Variants in CARMIL1 observed in about 807,000 individuals in gnomAD.
CARMIL1 encodes the protein capping protein regulator and myosin 1 linker 1.
A neutral mutation model predicts 177.1 loss-of-function variants in CARMIL1; 90 were observed. That is an observed-to-expected ratio of 0.51 (90% CI 0.43 to 0.61). The LOEUF is 0.61. Ranked by LOEUF, CARMIL1 falls within the 20% of genes least tolerant of loss-of-function variation. CARMIL1 has a pLI of 0.00. For missense variants in CARMIL1, 1,380 were observed against 1,667.0 expected (o/e 0.83, Z 3.00); for synonymous variants, 577 against 606.2 (o/e 0.95, Z 0.71).
intron 17 of CARMIL1, among the ~76,000 whole-genome samples, chr6:25,508,439 G>A (rs1475566710): frequency 6.6e-6 from 1 of 152,216 alleles, no homozygotes; most frequent in Non-Finnish European, 1.5e-5. Context: ...GCACATGCCT[G>A]TAATTCCAGA....
intron 8 of CARMIL1, among the ~76,000 whole-genome samples, chr6:25,462,855 C>T (rs1290446840): frequency 6.6e-6 from 1 of 152,194 alleles, no homozygotes; most frequent in African/African-American, 2.4e-5. Flanking sequence ...GGAATAAGAG[C>T]TACACTTCTT....
In CARMIL1 at chr6:25,383,706, A is replaced by T. The variant is rs142539722; in HGVS notation, c.139-36408A>T. The T allele has an allele frequency of 1.8e-4, 28 of 152,340 alleles. No individual in the cohort carries two copies. In the East Asian group the frequency reaches 5.2e-3, roughly 28 times the overall value. The allele number at this position is 152,340 out of a possible 1,614,324, so 9.4% of individuals were successfully genotyped here. A position where few individuals can be genotyped will look rare whatever the true frequency, so the allele number is the denominator to read the frequency against. Reference sequence around the variant, plus strand: ...TTGTGAAATGTTTCATATTTTTTAAAACAAAATTATGGCTTGTATATTTTT... The same window carrying T: ...TTGTGAAATGTTTCATATTTTTTAATACAAAATTATGGCTTGTATATTTTT... On this transcript the variant is annotated intron_variant, in intron 2 of 36. Coordinates refer to ENST00000329474, the MANE Select transcript of CARMIL1 (RefSeq NM_017640.6).
At chr6:25,606,360 G>A (rs1279800274) in intron 35 of CARMIL1, 87 bp downstream of exon 35, 1 of 1,282,212 alleles carries the variant, frequency 7.8e-7, no homozygotes, top group African/African-American at 1.5e-5. Flanking sequence ...GGTTTCAGGG[G>A]CAGCTGGTGA....
At position 25,540,128 on chromosome 6, in the gene CARMIL1, G is replaced by A. The variant is rs767215100; in HGVS notation, c.2328+50G>A. The A allele has an allele frequency of 8.7e-5, 130 of 1,490,748 alleles. No homozygotes were observed. The East Asian group carries it at 2.6e-3, about 30-fold the overall frequency. 92.3% of individuals were successfully genotyped at this position (1,490,748 alleles called of 1,614,324 possible). A position where few individuals can be genotyped will look rare whatever the true frequency, so the allele number is the denominator to read the frequency against. Reference sequence around the variant, plus strand: ...AATGAAATTGTTAATATTTAACTACGCATGATAGCATTTCATTCCATAGCT... The same window carrying A: ...AATGAAATTGTTAATATTTAACTACACATGATAGCATTTCATTCCATAGCT... On this transcript the variant is annotated intron_variant, in intron 26 of 36. Coordinates refer to ENST00000329474, the MANE Select transcript of CARMIL1 (RefSeq NM_017640.6).
rs557511504 is a variant in CARMIL1 at position 25,572,201 on chromosome 6, G to T, written c.2743-8723G>T. Among the ~76,000 whole-genome samples the T allele has an allele frequency of 9.2e-5, 14 of 152,164 alleles. No individual in the cohort carries two copies. In the South Asian group the frequency reaches 2.9e-3, roughly 32 times the overall value. Reference sequence around the variant, plus strand: ...TTCAGAATTTTTTTTTTCTGTGTTTGTGTTAGAGATAAGAATGAAGGAAAT... The same window carrying T: ...TTCAGAATTTTTTTTTTCTGTGTTTTTGTTAGAGATAAGAATGAAGGAAAT... On this transcript the variant is annotated intron_variant, in intron 29 of 36. Coordinates refer to ENST00000329474, the MANE Select transcript of CARMIL1 (RefSeq NM_017640.6).
At chr6:25,388,276 A>G (rs1462145523) in intron 2 of CARMIL1, 1 of 152,228 alleles carries the variant, frequency 6.6e-6, no homozygotes, top group Non-Finnish European at 1.5e-5. Context: ...CTTAGTTAAA[A>G]TAGCTACTAT....
At position 25,482,349 on chromosome 6, in the gene CARMIL1, G is replaced by A. The variant is rs777526112; in HGVS notation, c.961+6G>A. ...AACCTCATTATCACCTAAAGGTACAGTATTTCTTATTTACCTAAGAGTGTG... is the reference window on the plus strand; with the variant it reads ...AACCTCATTATCACCTAAAGGTACAATATTTCTTATTTACCTAAGAGTGTG... On this transcript the variant is annotated splice_donor_region_variant and intron_variant, in intron 12 of 36. Coordinates refer to ENST00000329474, the MANE Select transcript of CARMIL1 (RefSeq NM_017640.6). 1 of 1,428,638 alleles carries A rather than the reference G, an allele frequency of 7.0e-7. No individual in the cohort carries two copies. Among genetic ancestry groups the A allele is most frequent in the South Asian group, 1.2e-5 (1 of 80,076 alleles). The allele number at this position is 1,428,638 out of a possible 1,614,324, so 88.5% of individuals were successfully genotyped here.
rs578125445 is a variant in CARMIL1, at chr6:25,415,673, C to T, written c.139-4441C>T. On this transcript the variant is annotated intron_variant, in intron 2 of 36. Transcript: ENST00000329474. ...TTGTAATCACTTAATAGCCAATATG[C>T]TCATTGTATAATGATGTCAAAAGGT... Among the ~76,000 whole-genome samples, 96 of 152,218 alleles carry T rather than the reference C, an allele frequency of 6.3e-4. 1 individual carries two copies. Among genetic ancestry groups the T allele is most frequent in the African/African-American group, 2.2e-3 (91 of 41,524 alleles).
chr6:25,583,945 T>C (rs1486665445), intron 31 of CARMIL1, among the ~76,000 whole-genome samples: 1 of 151,188 alleles, frequency 6.6e-6, no homozygotes, highest in Non-Finnish European at 1.5e-5. Flanking sequence ...GTCTGCGAAA[T>C]GGCTTAAGTT....
At chr6:25,502,248 A>G (rs1804452315) in intron 17 of CARMIL1, among the ~76,000 whole-genome samples, 2 of 151,030 alleles carry the variant, frequency 1.3e-5, no homozygotes, top group Admixed American at 6.6e-5. Context: ...AAAAAAGCAA[A>G]CAAACAAAAA....
chr6:25,596,406 A>G (rs999148798), intron 32 of CARMIL1, among the ~76,000 whole-genome samples: 1 of 152,162 alleles, frequency 6.6e-6, no homozygotes, highest in Non-Finnish European at 1.5e-5. Flanking sequence ...TCAAAGTTAT[A>G]AATGCTCATA....
chr6:25,479,628 ATTTTT>A (rs1801901861), intron 11 of CARMIL1, among the ~76,000 whole-genome samples: 1 of 152,014 alleles, frequency 6.6e-6, no homozygotes, highest in South Asian at 2.1e-4. Context: ...AAATTTACTT[ATTTTT>A]ATGGCTGCTA....
intron 4 of CARMIL1, among the ~76,000 whole-genome samples, chr6:25,427,877 CTGTT>C (rs1199682312): frequency 6.6e-6 from 1 of 152,038 alleles, no homozygotes; most frequent in African/African-American, 2.4e-5. Context: ...AGAAATTGGG[CTGTT>C]TGTTTTCTTA....
chr6:25,446,240 TC>T (rs1426822654), intron 5 of CARMIL1, among the ~76,000 whole-genome samples: 4 of 152,172 alleles, frequency 2.6e-5, no homozygotes, highest in African/African-American at 9.7e-5. Context: ...GCCATTGACT[TC>T]TCCCTAGCTA....
chr6:25,486,447 T>C (rs1276896632), intron 12 of CARMIL1, among the ~76,000 whole-genome samples: 2 of 152,184 alleles, frequency 1.3e-5, no homozygotes, highest in Non-Finnish European at 2.9e-5. Flanking sequence ...TTTGGGAATT[T>C]ATTTATTGAG....
At chr6:25,376,266 G>C (rs968739187) in intron 2 of CARMIL1, among the ~76,000 whole-genome samples, 9 of 152,146 alleles carry the variant, frequency 5.9e-5, no homozygotes, top group African/African-American at 2.2e-4. Context: ...TTTTAATAGA[G>C]ATGGGGTTTC....
intron 32 of CARMIL1, among the ~76,000 whole-genome samples, chr6:25,598,335 C>A (rs1458416129): frequency 2.0e-5 from 3 of 151,984 alleles, no homozygotes; most frequent in South Asian, 2.1e-4. Flanking sequence ...ACCTTCCAGG[C>A]TCAGGTGATA....
At chr6:25,348,704 C>T (rs933278100) in intron 2 of CARMIL1, among the ~76,000 whole-genome samples, 1 of 152,038 alleles carries the variant, frequency 6.6e-6, no homozygotes, top group Non-Finnish European at 1.5e-5. Context: ...ATCACTTGAA[C>T]TCGGGAGGCA....
At chr6:25,510,350 A>C (rs1277703621) in intron 18 of CARMIL1, among the ~76,000 whole-genome samples, 157 bp from the exon 19 acceptor site, 1 of 152,188 alleles carries the variant, frequency 6.6e-6, no homozygotes, top group Non-Finnish European at 1.5e-5. Context: ...AAAGAGAGCA[A>C]AGAGTGCCTT....
Sources: gnomAD v4.1 joint callset for allele counts (sites outside exome capture counted in the v4.1 genomes callset) on GRCh38, gnomAD v4.1.1 for gene constraint, MANE v1.5 for transcripts, NCBI Gene and HGNC (gene_info 2026-07-23, HGNC 2026-07-21) for gene names.